NAALADL2: variants seen among roughly 807,000 people sequenced by gnomAD.
NAALADL2 encodes N-acetylated alpha-linked acidic dipeptidase like 2.
A neutral mutation model predicts 87.2 loss-of-function variants in NAALADL2; 76 were observed. That is an observed-to-expected ratio of 0.87 (90% confidence interval 0.72 to 1.05). NAALADL2 has a LOEUF of 1.05. Ranked by LOEUF, NAALADL2 falls within the 50% of genes least tolerant of loss-of-function variation. The pLI is 0.00. For missense variants in NAALADL2, 1,089 were observed against 945.8 expected (o/e 1.15, Z -1.99); for synonymous variants, 354 against 331.0 (o/e 1.07, Z -0.75).
At chr3:175,267,809 A>G (rs1372982989) in intron 4 of NAALADL2, among the ~76,000 whole-genome samples, 2 of 152,120 alleles carry the variant, frequency 1.3e-5, no homozygotes, top group African/African-American at 4.8e-5. Flanking sequence ...AATCTGAACA[A>G]TTATATGGGA....
chr3:175,213,751 G>A (rs1259616528), intron 2 of NAALADL2, among the ~76,000 whole-genome samples: 1 of 152,156 alleles, frequency 6.6e-6, no homozygotes, highest in Non-Finnish European at 1.5e-5. Context: ...ATTTTCCAGT[G>A]AAGCAACTGA....
chr3:175,442,886 A>G (rs769907472), intron 5 of NAALADL2, among the ~76,000 whole-genome samples: 3 of 152,174 alleles, frequency 2.0e-5, no homozygotes, highest in African/African-American at 4.8e-5. Flanking sequence ...TCTTTTTTGT[A>G]TGGTATCCTT....
chr3:174,944,105 A>G (rs1297678965), intron 1 of NAALADL2, among the ~76,000 whole-genome samples: 1 of 152,118 alleles, frequency 6.6e-6, no homozygotes, highest in African/African-American at 2.4e-5. Context: ...TGGATTTTCT[A>G]GTACCTGGAG....
intron 9 of NAALADL2, among the ~76,000 whole-genome samples, chr3:175,509,721 G>A (rs1730865831): frequency 6.6e-6 from 1 of 152,220 alleles, no homozygotes; most frequent in Non-Finnish European, 1.5e-5. Flanking sequence ...GGACATGCGA[G>A]AGACTGGGTA....
chr3:175,239,780 TG>T (rs1746512951), intron 3 of NAALADL2, among the ~76,000 whole-genome samples: 1 of 152,180 alleles, frequency 6.6e-6, no homozygotes, highest in Admixed American at 6.5e-5. Flanking sequence ...TGTGCAAATG[TG>T]GGGTGGTCAG....
intron 5 of NAALADL2, among the ~76,000 whole-genome samples, chr3:175,435,693 T>A (rs939503531): frequency 1.3e-5 from 2 of 151,998 alleles, no homozygotes; most frequent in African/African-American, 4.8e-5. Context: ...AAATCTTGAG[T>A]TTATATGTCT....
chr3:174,639,180 A>G (rs1287164645), intron 2 of NAALADL2, among the ~76,000 whole-genome samples: 6 of 152,158 alleles, frequency 3.9e-5, no homozygotes, highest in Non-Finnish European at 5.9e-5. Flanking sequence ...CTAGTTAAGA[A>G]TTTCTGTTAT....
chr3:175,074,250 C>A (rs1032589810), intron 1 of NAALADL2, among the ~76,000 whole-genome samples: 16 of 152,178 alleles, frequency 1.1e-4, no homozygotes, highest in Middle Eastern at 3.4e-3. Flanking sequence ...TAACTTTTGA[C>A]TCACATGTCT....
At chr3:175,440,237 G>T (rs1719501400) in intron 5 of NAALADL2, among the ~76,000 whole-genome samples, 1 of 152,008 alleles carries the variant, frequency 6.6e-6, no homozygotes, top group African/African-American at 2.4e-5. Context: ...CTGTTCCATT[G>T]ATCTATATGT....
At chr3:174,924,035 A>G (rs562180812) in intron 1 of NAALADL2, among the ~76,000 whole-genome samples, 2 of 152,246 alleles carry the variant, frequency 1.3e-5, no homozygotes, top group South Asian at 2.1e-4. Context: ...ATGGTATCTT[A>G]CTTGTTCAGG....
At chr3:175,675,592 T>C (rs1734662161) in intron 11 of NAALADL2, 1 of 152,192 alleles carries the variant, frequency 6.6e-6, no homozygotes, top group Admixed American at 6.6e-5. Flanking sequence ...ATATAACCCA[T>C]TGAGGAGTGA....
chr3:175,698,411 G>GTATGTATACATATATATGTGTATATATT (rs2149952630), intron 11 of NAALADL2, among the ~76,000 whole-genome samples: 1 of 53,958 alleles, frequency 1.9e-5, no homozygotes, highest in Non-Finnish European at 3.2e-5. Context: ...GTGTATTTAT[G>GTATGTATACATATATATGTGTATATATT]TATGTATACA....
chr3:174,538,936 C>A (rs537729991), intron 1 of NAALADL2, among the ~76,000 whole-genome samples: 1 of 152,212 alleles, frequency 6.6e-6, no homozygotes, highest in Non-Finnish European at 1.5e-5. Context: ...CAAGCTGGAG[C>A]CTGACTACGT....
chr3:175,769,946 A>G (rs1749258721), intron 13 of NAALADL2, among the ~76,000 whole-genome samples: 1 of 151,148 alleles, frequency 6.6e-6, no homozygotes, highest in East Asian at 1.9e-4. Flanking sequence ...TTAATAGTCT[A>G]AGGCAGATTT....
chr3:175,152,938 A>G (rs986022736), intron 2 of NAALADL2, among the ~76,000 whole-genome samples: 1 of 152,018 alleles, frequency 6.6e-6, no homozygotes, highest in Non-Finnish European at 1.5e-5. Context: ...TAATGTATCT[A>G]AATATGTTCC....
rs1387285895 is a variant in NAALADL2 at position 175,804,343 on chromosome 3, C to T, written c.*1140C>T. On this transcript the variant is annotated 3_prime_UTR_variant, in exon 14 of 14. Transcript: ENST00000454872. The stretch of plus-strand genomic sequence containing the variant: ...AAATATTCATGCTTCTAAGTTTCTG[C>T]AGTGTTACTGTAAGAGAGTGTCTCG... 2 of 151,644 alleles carry T rather than the reference C, an allele frequency of 1.3e-5. No individual in the cohort carries two copies. Among genetic ancestry groups the T allele is most frequent in the Non-Finnish European group, 3.0e-5 (2 of 67,788 alleles). The allele number at this position is 151,644 out of a possible 1,614,324, so 9.4% of individuals were successfully genotyped here. A position where few individuals can be genotyped will look rare whatever the true frequency, so the allele number is the denominator to read the frequency against.
intron 2 of NAALADL2, among the ~76,000 whole-genome samples, chr3:174,724,912 C>CA (rs1732043625): frequency 6.6e-6 from 1 of 152,026 alleles, no homozygotes; most frequent in Non-Finnish European, 1.5e-5. Flanking sequence ...GGACATTTGT[C>CA]AAAAATGCAG....
intron 5 of NAALADL2, among the ~76,000 whole-genome samples, chr3:175,428,480 T>C (rs1335579650): frequency 6.6e-6 from 1 of 152,066 alleles, no homozygotes; most frequent in African/African-American, 2.4e-5. Flanking sequence ...GAGTGGCTAG[T>C]TGGAGGATGA....
At chr3:175,054,660 G>C (rs1276711704) in intron 1 of NAALADL2, among the ~76,000 whole-genome samples, 1 of 152,118 alleles carries the variant, frequency 6.6e-6, no homozygotes, top group Non-Finnish European at 1.5e-5. Flanking sequence ...TAAAGGTATA[G>C]GTTCTGGATG....
Sources: allele counts gnomAD v4.1 joint callset (sites outside exome capture counted in the v4.1 genomes callset), GRCh38; gene constraint gnomAD v4.1.1; transcripts MANE v1.5; gene names NCBI Gene and HGNC (gene_info 2026-07-23, HGNC 2026-07-21).